ABCC11: variants seen among roughly 807,000 people sequenced by gnomAD.
ABCC11 encodes the protein ATP binding cassette subfamily C member 11, also known as ATP-binding cassette sub-family C member 11.
In ABCC11, 135 loss-of-function variants were observed where a neutral mutation model predicts 149.3. The ratio of observed to expected loss-of-function variants is 0.90; its 90% CI spans 0.79 to 1.04. ABCC11 has a LOEUF of 1.04. ABCC11 is among the 50% of genes least tolerant of loss of function. The pLI is 0.00. For missense variants in ABCC11, 1,680 were observed against 1,722.1 expected (o/e 0.98, Z 0.43); for synonymous variants, 665 against 671.4 (o/e 0.99, Z 0.15).
chr16:48,210,751 A>T, intron 11 of ABCC11, 197 bp downstream of exon 11: 1 of 819,182 alleles, frequency 1.2e-6, no homozygotes, highest in Non-Finnish European at 1.8e-6. Flanking sequence ...AAAAAATTTT[A>T]AATGATAGAT....
In ABCC11 at chr16:48,240,036, G is replaced by A. The variant is rs192265120; in HGVS notation, c.-19+7278C>T. ...AAGTCAAGAAACAATAGATGCTGGC[G>A]AGGTTGCAGAGAAAAAGGAATACTT... On this transcript the variant is annotated intron_variant, in intron 1 of 29. Coordinates refer to ENST00000356608, the MANE Select transcript of ABCC11 (RefSeq NM_001370497.1). Among the ~76,000 whole-genome samples the A allele has an allele frequency of 9.8e-5, 15 of 152,302 alleles. No homozygotes were observed. The East Asian group carries it at 2.1e-3, about 22-fold the overall frequency.
At chr16:48,220,120 C>T (rs1328112596) in intron 6 of ABCC11, among the ~76,000 whole-genome samples, 2 of 152,196 alleles carry the variant, frequency 1.3e-5, no homozygotes, top group African/African-American at 4.8e-5. Context: ...TTTGAGGAAA[C>T]TGGATTTTGC....
intron 2 of ABCC11, among the ~76,000 whole-genome samples, chr16:48,231,550 C>T (rs1292916895): frequency 1.3e-5 from 2 of 151,434 alleles, no homozygotes; most frequent in African/African-American, 4.9e-5. Flanking sequence ...ATAGTCCCAG[C>T]TAGCTACTCA....
intron 20 of ABCC11, among the ~76,000 whole-genome samples, chr16:48,191,066 T>A (rs1250886823): frequency 6.6e-6 from 1 of 152,214 alleles, no homozygotes; most frequent in Non-Finnish European, 1.5e-5. Flanking sequence ...GCGGCGGAAC[T>A]ATTCTGTACC....
intron 23 of ABCC11, among the ~76,000 whole-genome samples, chr16:48,179,993 A>T (rs549186768): frequency 5.9e-5 from 9 of 152,368 alleles, no homozygotes; most frequent in South Asian, 2.1e-4. Context: ...AATGGTGCTT[A>T]GTCTGAAAAA....
intron 19 of ABCC11, 31 bp from the exon 20 acceptor site, chr16:48,192,748 G>A: frequency 6.2e-7 from 1 of 1,605,822 alleles, no homozygotes; most frequent in Non-Finnish European, 8.5e-7. Context: ...TCTGACTGCA[G>A]GTGTCCGGGG....
At chr16:48,196,732 C>T (rs1298041924) in intron 17 of ABCC11, among the ~76,000 whole-genome samples, 2 of 152,338 alleles carry the variant, frequency 1.3e-5, no homozygotes, top group Non-Finnish European at 2.9e-5. Context: ...CTAAGATGCC[C>T]TGCAGCCATA....
At chr16:48,235,709 A>G (rs916688070) in intron 1 of ABCC11, among the ~76,000 whole-genome samples, 2 of 152,178 alleles carry the variant, frequency 1.3e-5, no homozygotes, top group Non-Finnish European at 2.9e-5. Flanking sequence ...TATTCACTCT[A>G]ATTGGTGTAA....
intron 13 of ABCC11, among the ~76,000 whole-genome samples, chr16:48,204,244 A>G (rs941899581): frequency 8.5e-5 from 13 of 152,192 alleles, no homozygotes; most frequent in Admixed American, 4.6e-4. Flanking sequence ...CTCATAGAAG[A>G]CCCTAAAGAA....
At position 48,170,183 on chromosome 16, in the gene ABCC11, C is replaced by G. The variant is rs1965618814; in HGVS notation, c.3813G>C (p.Val1271=). 3 of 1,614,114 alleles carry G rather than the reference C, an allele frequency of 1.9e-6. No individual in the cohort carries two copies. In the East Asian group the frequency reaches 6.7e-5, roughly 36 times the overall value. ...CAGAGAAGTTTCCACCGTTTTCCAC[C>G]ACATCTGTATGCAGCTTTTTGGGGA... ...SKFPKKLHTD[V]VENGGNFSVG... Residue 1271 remains valine (V), a synonymous_variant, in exon 28 of 30, where the codon GTG becomes GTC. Transcript: ENST00000356608.
At chr16:48,171,362 G>A (rs916580274) in intron 26 of ABCC11, among the ~76,000 whole-genome samples, 8 of 152,160 alleles carry the variant, frequency 5.3e-5, no homozygotes, top group Admixed American at 2.6e-4. Flanking sequence ...GGAGACGTGC[G>A]GAGAGATTGC....
intron 18 of ABCC11, 114 bp downstream of exon 18, chr16:48,196,118 C>T (rs1967383365): frequency 9.6e-7 from 1 of 1,040,390 alleles, no homozygotes; most frequent in Non-Finnish European, 1.4e-6. Context: ...CCAATAAATA[C>T]CATGGCTCCT....
chr16:48,199,534 C>T (rs1967745801), intron 15 of ABCC11, among the ~76,000 whole-genome samples: 1 of 152,078 alleles, frequency 6.6e-6, no homozygotes, highest in African/African-American at 2.4e-5. Context: ...AGGAGAAGCA[C>T]CACCAGAAGC....
rs764811830 is a variant in ABCC11 at position 48,238,842 on chromosome 16, CAGA to C, written c.-18-6906_-18-6904del. ...GTCCCAGCTACTTGGGAGGCTGAGG[CAGA>C]AGAATGGCATGAACCTGGGAGGCAG... On this transcript the variant is annotated intron_variant, in intron 1 of 29. Transcript: ENST00000356608. Among the ~76,000 whole-genome samples the C allele has an allele frequency of 5.0e-5, 7 of 140,406 alleles. No homozygotes were observed. In the Middle Eastern group the frequency reaches 0.017, roughly 343 times the overall value. The allele number at this position is 140,406 out of a possible 152,430, so 92.1% of individuals were successfully genotyped here. A position where few individuals can be genotyped will look rare whatever the true frequency, so the allele number is the denominator to read the frequency against.
intron 23 of ABCC11, among the ~76,000 whole-genome samples, chr16:48,181,986 C>T (rs1204711953): frequency 1.3e-5 from 2 of 152,140 alleles, no homozygotes; most frequent in East Asian, 1.9e-4. Context: ...GAAGAGAGCA[C>T]GGCCAGTGCC....
intron 1 of ABCC11, among the ~76,000 whole-genome samples, chr16:48,232,697 C>G (rs941573356): frequency 3.3e-5 from 5 of 152,210 alleles, no homozygotes; most frequent in Non-Finnish European, 7.3e-5. Context: ...AAGTGTGCAG[C>G]AGAGCCAGGG....
At chr16:48,180,225 T>A (rs1347848419) in intron 23 of ABCC11, among the ~76,000 whole-genome samples, 1 of 152,226 alleles carries the variant, frequency 6.6e-6, no homozygotes, top group Admixed American at 6.5e-5. Context: ...TGAGAAGGCA[T>A]CAGATGGGTG....
rs1401582412 is a variant in ABCC11, at chr16:48,193,993, G to C, written c.2405-11C>G. On this transcript the variant is annotated splice_polypyrimidine_tract_variant and intron_variant, in intron 18 of 29. Transcript: ENST00000356608. ...AAGAGACCATGTAACCTGGGAGGGA[G>C]ACAGTGGTGATGTACAAGTGCCACA... The C allele has an allele frequency of 6.3e-7, 1 of 1,593,872 alleles. No homozygotes were observed. The highest frequency in any genetic ancestry group is 1.7e-5 in the Admixed American group (1 of 59,940).
intron 4 of ABCC11, among the ~76,000 whole-genome samples, chr16:48,227,235 A>G (rs1365599381): frequency 6.6e-6 from 1 of 152,176 alleles, no homozygotes; most frequent in Non-Finnish European, 1.5e-5. Flanking sequence ...GAACTTTGGG[A>G]GGCCAAGGCA....
Sources: gnomAD v4.1 joint callset for allele counts (sites outside exome capture counted in the v4.1 genomes callset) on GRCh38, gnomAD v4.1.1 for gene constraint, MANE v1.5 for transcripts, NCBI Gene and HGNC (gene_info 2026-07-23, HGNC 2026-07-21) for gene names.